The following NCAPD3 variants were observed in gnomAD, a reference collection of about 807,000 sequenced individuals.
NCAPD3 encodes condensin-2 complex subunit D3.
A neutral mutation model predicts 182.9 loss-of-function variants in NCAPD3; 105 were observed. The observed-to-expected ratio is 0.57, with a 90% CI of 0.49 to 0.68. NCAPD3 has a LOEUF of 0.68. NCAPD3 is among the 30% of genes least tolerant of loss of function. The probability of loss-of-function intolerance (pLI) is 0.00; values close to 1 mark genes in which losing one functional copy is unlikely to be tolerated. For synonymous variants in NCAPD3, 815 were observed against 679.9 expected (o/e 1.20, Z -3.09); for missense variants, 1,944 against 1,837.0 (o/e 1.06, Z -1.07).
chr11:134,204,965 A>G lies in NCAPD3; in HGVS notation c.1023T>C (p.Leu341=), dbSNP rs1324544454. The G allele has an allele frequency of 2.5e-6, 4 of 1,613,212 alleles. No individual in the cohort carries two copies. The highest frequency in any genetic ancestry group is 3.4e-6 in the Non-Finnish European group (4 of 1,179,360). Residue 341 remains leucine, a synonymous_variant, in exon 9 of 35, where the codon CTT becomes CTC. Transcript: ENST00000534548. The surrounding 1 kb of genome is among the most constrained non-coding windows in gnomAD (Gnocchi z 4.3). The part of the protein sequence containing the change: ...RNQAVQFISA[L]VDELKESIFP... Reference sequence around the variant, plus strand: ...ATATACTCTCCTTTAATTCATCCACAAGGGCGCTTTGTAAAAGAAAAACAC... The same window carrying G: ...ATATACTCTCCTTTAATTCATCCACGAGGGCGCTTTGTAAAAGAAAAACAC...
chr11:134,170,906 G>C (rs1050627800), intron 24 of NCAPD3, among the ~76,000 whole-genome samples: 1 of 152,214 alleles, frequency 6.6e-6, no homozygotes, highest in Non-Finnish European at 1.5e-5. Context: ...TTTATTAAGA[G>C]GGCAAGTTTC....
At chr11:134,163,755 C>T (rs539915610) in intron 27 of NCAPD3, among the ~76,000 whole-genome samples, 72 of 149,188 alleles carry the variant, frequency 4.8e-4, no homozygotes, top group African/African-American at 1.6e-3. Context: ...GCCTGTAGTC[C>T]CAGCTACTCG....
intron 32 of NCAPD3, 57 bp from the exon 33 acceptor site, chr11:134,153,420 G>A: frequency 6.4e-7 from 1 of 1,559,894 alleles, no homozygotes. Flanking sequence ...GGAGGTCTCT[G>A]TTCTAGTTGT....
At chr11:134,224,466 T>C (rs1412017036), upstream of NCAPD3, 1 of 155,526 alleles carries the variant, frequency 6.4e-6, no homozygotes, top group Non-Finnish European at 1.4e-5. Flanking sequence ...CTGTAGGGAC[T>C]GCGCGGCACG....
rs538742091 is a variant in NCAPD3, at chr11:134,190,296, T to A, written c.2045+2393A>T. Among the ~76,000 whole-genome samples, 40 of 152,328 alleles carry A rather than the reference T, an allele frequency of 2.6e-4. 1 individual carries two copies. Among genetic ancestry groups the A allele is most frequent in the South Asian group, 4.1e-4 (2 of 4,832 alleles). On this transcript the variant is annotated intron_variant, in intron 16 of 34. Coordinates refer to ENST00000534548, the MANE Select transcript of NCAPD3 (RefSeq NM_015261.3). ...GCAAGTAAATGCACCCTCCAGCTCA[T>A]CCTACATACTTTTTTATATTTTAGC... is the stretch of plus-strand genomic sequence containing the variant.
intron 23 of NCAPD3, 90 bp from the exon 24 acceptor site, chr11:134,176,476 G>A (rs1944169490): frequency 1.9e-6 from 2 of 1,063,550 alleles, no homozygotes; most frequent in East Asian, 2.4e-5. Context: ...CACGCGGTCT[G>A]TCCCCGGCAC....
chr11:134,225,075 G>A (rs1261209883), upstream of NCAPD3: 2 of 1,531,718 alleles, frequency 1.3e-6, no homozygotes, highest in South Asian at 1.2e-5. Flanking sequence ...CCCGCGCCCC[G>A]GTGCGAGGGA....
At chr11:134,170,471 T>G (rs1943980619) in intron 24 of NCAPD3, among the ~76,000 whole-genome samples, 2 of 152,270 alleles carry the variant, frequency 1.3e-5, no homozygotes. Flanking sequence ...CAAGGATTTA[T>G]CTTCTGTGGT....
rs146266771 is a variant in NCAPD3, at chr11:134,203,710, C to A, written c.1412G>T (p.Cys471Phe). Residue 471 changes from cysteine to phenylalanine, a missense_variant, in exon 11 of 35, where the codon TGT becomes TTT. Coordinates refer to ENST00000534548, the MANE Select transcript of NCAPD3 (RefSeq NM_015261.3). ...CGCACTGGTAACAGTCAACTCCAGA[C>A]AGTGTGCAAAGCTGGACAGTGCCTT... ...RSKALSSFAH[C>F]LELTVTSASE... 1.1e-5 allele frequency: 18 copies of A among 1,614,014 alleles called. No individual in the cohort carries two copies. Among genetic ancestry groups the A allele is most frequent in the Middle Eastern group, 3.3e-4 (2 of 6,058 alleles).
At chr11:134,211,329 C>T (rs888772958) in intron 3 of NCAPD3, among the ~76,000 whole-genome samples, 51 of 152,294 alleles carry the variant, frequency 3.3e-4, no homozygotes, top group African/African-American at 5.3e-4. Context: ...ACAACAAAAT[C>T]CAGACACTCA....
intron 13 of NCAPD3, among the ~76,000 whole-genome samples, chr11:134,197,319 C>A (rs1244833578): frequency 6.7e-6 from 1 of 148,964 alleles, no homozygotes; most frequent in African/African-American, 2.5e-5. Flanking sequence ...CTCTGCTGCC[C>A]AGGATGGAGT....
At chr11:134,168,833 A>G (rs1294763256) in intron 25 of NCAPD3, 84 bp downstream of exon 25, 1 of 1,505,792 alleles carries the variant, frequency 6.6e-7, no homozygotes, top group Non-Finnish European at 9.0e-7. Flanking sequence ...GCGTCCAATC[A>G]CTACATGCAA....
chr11:134,217,076 T>C lies in NCAPD3; in HGVS notation c.242A>G (p.Glu81Gly), dbSNP rs780071529. The change falls in exon 3 of 35, where the codon GAG becomes GGG. Residue 81 changes from glutamate (E) to glycine (G), a missense_variant. Physicochemically the swap from Glu to Gly is moderately conservative, Grantham distance 98 (BLOSUM62 -2). This residue lies in a region of NCAPD3 where 131 missense variants were observed against 133.9 expected (regional missense o/e 0.98). Coordinates refer to ENST00000534548, the MANE Select transcript of NCAPD3 (RefSeq NM_015261.3). ...CAGTGTACTATGGGAAACATTGTTC[T>C]CAATGAAGAAGGTCCAGATACTCTG... ...SMESIWTFFI[E>G]NNVSHSTLVA... 33 of 1,611,816 alleles carry C rather than the reference T, an allele frequency of 2.0e-5. No individual in the cohort carries two copies. The highest frequency in any genetic ancestry group is 2.5e-5 in the Non-Finnish European group (30 of 1,179,206).
chr11:134,184,952 A>C lies in NCAPD3; in HGVS notation c.2286T>G (p.Ile762Met). Residue 762 changes from isoleucine (I) to methionine (M), a missense_variant, in exon 18 of 35, where the codon ATT becomes ATG. By Grantham distance (10) the Ile-to-Met change is conservative. Around this residue, in one of 3 missense-constraint regions of NCAPD3, gnomAD observed 1,803 missense variants for 1,674.6 expected, o/e 1.08. Coordinates refer to ENST00000534548, the MANE Select transcript of NCAPD3 (RefSeq NM_015261.3). ...TAGGAAGATGCTTTGCAATATGCCC[A>C]ATCACACAGAGAATATGTCCTAAGG... ...SNTLGHILCVIGHIAKHLPKS... is the reference protein window; with the variant it reads ...SNTLGHILCVMGHIAKHLPKS... 1 of 1,614,020 alleles carries C rather than the reference A, an allele frequency of 6.2e-7. No individual in the cohort carries two copies. The highest frequency in any genetic ancestry group is 8.5e-7 in the Non-Finnish European group (1 of 1,179,904).
At chr11:134,185,642 A>G (rs1414904583) in intron 16 of NCAPD3, 116 bp from the exon 17 acceptor site, 5 of 762,008 alleles carry the variant, frequency 6.6e-6, no homozygotes, top group African/African-American at 1.8e-5. Context: ...CAAGTGGCAC[A>G]TGAAACTTAT....
intron 15 of NCAPD3, among the ~76,000 whole-genome samples, 176 bp downstream of exon 15, chr11:134,193,840 G>A (rs1230261434): frequency 6.6e-6 from 1 of 152,188 alleles, no homozygotes. Context: ...TTAATAGGAA[G>A]CACAGTCTAT....
intron 20 of NCAPD3, 144 bp from the exon 21 acceptor site, chr11:134,179,080 G>T: frequency 8.1e-6 from 5 of 615,518 alleles, no homozygotes; most frequent in Non-Finnish European, 2.8e-6. Context: ...AAAATACATG[G>T]CTATTGTAAA....
At chr11:134,156,977 G>C in intron 32 of NCAPD3, 41 bp downstream of exon 32, 1 of 1,518,814 alleles carries the variant, frequency 6.6e-7, no homozygotes. Flanking sequence ...GAATGCAGGA[G>C]AGACTGAGGA....
At chr11:134,207,453 A>T (rs1171474209) in intron 7 of NCAPD3, among the ~76,000 whole-genome samples, 1 of 151,224 alleles carries the variant, frequency 6.6e-6, no homozygotes, top group Admixed American at 6.6e-5. Context: ...TTTCACAATT[A>T]AAAAAAAATA....
Sources: allele counts gnomAD v4.1 joint callset (sites outside exome capture counted in the v4.1 genomes callset), GRCh38; gene constraint gnomAD v4.1.1; regional missense constraint gnomAD v4.1.1; non-coding constraint Gnocchi (gnomAD v3.1); transcripts MANE v1.5; gene names NCBI Gene and HGNC (gene_info 2026-07-23, HGNC 2026-07-21).